The following PRIM2 variants were observed in gnomAD, a reference collection of about 807,000 sequenced individuals.
PRIM2 encodes DNA primase large subunit.
Under a neutral mutation model 67.3 loss-of-function variants are expected in PRIM2, and 39 were observed. The ratio of observed to expected loss-of-function variants is 0.58; its 90% confidence interval spans 0.45 to 0.76. The LOEUF is 0.76. Among genes scored for constraint, PRIM2 ranks in the 30% least tolerant of loss-of-function variants. The pLI, the probability that PRIM2 is intolerant of heterozygous loss-of-function variation, is 0.00. For missense variants in PRIM2, 398 were observed against 598.7 expected (o/e 0.66, Z 3.50); for synonymous variants, 143 against 198.7 (o/e 0.72, Z 2.36).
chr6:57,318,910 AAT>A (rs1175372959), intron 2 of PRIM2, among the ~76,000 whole-genome samples: 3 of 152,228 alleles, frequency 2.0e-5, no homozygotes, highest in African/African-American at 7.2e-5. Flanking sequence ...CATCCAAAAT[AAT>A]AGTCATAATT....
chr6:57,224,878 T>C, the PRIM2 span, among the ~76,000 whole-genome samples: 1 of 152,248 alleles, frequency 6.6e-6, no homozygotes, highest in Admixed American at 6.5e-5. Flanking sequence ...AGAAACACTC[T>C]GCTTTTCCTA....
intron 7 of PRIM2, among the ~76,000 whole-genome samples, chr6:57,443,852 T>C (rs2127386574): frequency 6.6e-6 from 1 of 152,244 alleles, no homozygotes; most frequent in South Asian, 2.1e-4. Flanking sequence ...ATCAATGTCA[T>C]GTAGTTTTTC....
chr6:57,330,473 G>A (rs1768022592), intron 5 of PRIM2, among the ~76,000 whole-genome samples: 1 of 147,694 alleles, frequency 6.8e-6, no homozygotes, highest in East Asian at 2.0e-4. Flanking sequence ...TCCTGCCTCA[G>A]CCTCCCGCCG....
chr6:57,487,512 C>T lies in PRIM2; in HGVS notation c.694-19875C>T, dbSNP rs1348056521. On this transcript the variant is annotated intron_variant, in intron 7 of 13. Transcript: ENST00000615550. The stretch of plus-strand genomic sequence containing the variant: ...CCAAAGTGCTGGGATTACAGGCATG[C>T]GCCACTGCCCCTGGCCTGATCAATG... Among the ~76,000 whole-genome samples the T allele has an allele frequency of 1.2e-4, 19 of 152,314 alleles. 1 individual carries two copies. In the East Asian group the frequency reaches 2.5e-3, roughly 20 times the overall value.
At chr6:57,618,719 A>G (rs1309824732) in intron 12 of PRIM2, among the ~76,000 whole-genome samples, 2 of 152,034 alleles carry the variant, frequency 1.3e-5, no homozygotes, top group Non-Finnish European at 2.9e-5. Flanking sequence ...CTAGGTGCAC[A>G]ACTCCAGTGA....
intron 10 of PRIM2, among the ~76,000 whole-genome samples, chr6:57,587,740 G>A (rs1377603319): frequency 1.4e-5 from 2 of 146,002 alleles, no homozygotes; most frequent in East Asian, 4.2e-4. Context: ...TGTTGGAAGA[G>A]ATAACAGATA....
chr6:57,412,084 T>C lies in PRIM2; in HGVS notation c.693+29916T>C, dbSNP rs145632790. The stretch of plus-strand genomic sequence containing the variant: ...TCTGTGGTTTTAACAAATATATAAG[T>C]ATGCTAATTTTAAAACACTAAGCCT... On this transcript the variant is annotated intron_variant, in intron 7 of 13. Coordinates refer to ENST00000615550, the MANE Select transcript of PRIM2 (RefSeq NM_000947.5). Among the ~76,000 whole-genome samples the C allele has an allele frequency of 4.6e-5, 7 of 151,042 alleles. No homozygotes were observed. In the East Asian group the frequency reaches 1.2e-3, roughly 25 times the overall value.
intron 8 of PRIM2, among the ~76,000 whole-genome samples, chr6:57,514,271 C>A (rs1774434790): frequency 6.6e-6 from 1 of 152,186 alleles, no homozygotes; most frequent in Non-Finnish European, 1.5e-5. Flanking sequence ...GCTTTTCTTA[C>A]TATCCAAAGT....
At chr6:57,336,500 C>T (rs1768253083) in intron 5 of PRIM2, among the ~76,000 whole-genome samples, 1 of 152,240 alleles carries the variant, frequency 6.6e-6, no homozygotes, top group Non-Finnish European at 1.5e-5. Flanking sequence ...ATCAGACTAA[C>T]AGTGGATCTC....
chr6:57,225,091 T>A, the PRIM2 span, among the ~76,000 whole-genome samples: 1 of 152,174 alleles, frequency 6.6e-6, no homozygotes, highest in African/African-American at 2.4e-5. Context: ...TCCCACCCCT[T>A]TTTCCTTTGT....
At chr6:57,364,342 T>C (rs1769286083) in intron 5 of PRIM2, among the ~76,000 whole-genome samples, 1 of 152,174 alleles carries the variant, frequency 6.6e-6, no homozygotes, top group Non-Finnish European at 1.5e-5. Flanking sequence ...AGGGTGAATG[T>C]GCTCTCCTCT....
At chr6:57,532,007 A>G (rs1230183481) in intron 8 of PRIM2, among the ~76,000 whole-genome samples, 2 of 152,124 alleles carry the variant, frequency 1.3e-5, no homozygotes, top group African/African-American at 4.8e-5. Context: ...CCTGGCATAC[A>G]GAGAGTAACT....
intron 8 of PRIM2, among the ~76,000 whole-genome samples, chr6:57,523,609 G>T (rs1238761640): frequency 1.3e-5 from 2 of 152,134 alleles, no homozygotes; most frequent in Non-Finnish European, 2.9e-5. Flanking sequence ...TGTCAGTAAT[G>T]CCCTGTGGCA....
chr6:57,494,833 A>G (rs1773970070), intron 7 of PRIM2, among the ~76,000 whole-genome samples: 1 of 152,238 alleles, frequency 6.6e-6, no homozygotes, highest in Non-Finnish European at 1.5e-5. Flanking sequence ...TGAATTAAAC[A>G]TTTGTGAAAT....
intron 7 of PRIM2, among the ~76,000 whole-genome samples, chr6:57,455,747 C>G (rs1286299478): frequency 1.3e-5 from 2 of 152,132 alleles, no homozygotes. Context: ...TCCAATTTGC[C>G]AGTCTGTGTC....
chr6:57,475,908 G>T (rs1773467105), intron 7 of PRIM2, among the ~76,000 whole-genome samples: 1 of 152,132 alleles, frequency 6.6e-6, no homozygotes, highest in African/African-American at 2.4e-5. Flanking sequence ...CTGTGTCTGT[G>T]CCCTAAGTGT....
At chr6:57,590,662 C>G (rs1328444008) in intron 10 of PRIM2, among the ~76,000 whole-genome samples, 2 of 152,144 alleles carry the variant, frequency 1.3e-5, no homozygotes, top group Non-Finnish European at 2.9e-5. Flanking sequence ...CTGGGGGGTT[C>G]TTTCTCAACT....
At chr6:57,303,626 C>CT in the PRIM2 span, among the ~76,000 whole-genome samples, 3 of 151,894 alleles carry the variant, frequency 2.0e-5, no homozygotes, top group Non-Finnish European at 4.4e-5. Flanking sequence ...TAATTAATTA[C>CT]TTTTTTTGAG....
chr6:57,577,585 C>T (rs1325477672), intron 10 of PRIM2, among the ~76,000 whole-genome samples: 32 of 152,036 alleles, frequency 2.1e-4, no homozygotes, highest in Non-Finnish European at 3.8e-4. Context: ...CCCACCACCA[C>T]GTCCAGCTAA....
Sources: allele counts gnomAD v4.1 joint callset (sites outside exome capture counted in the v4.1 genomes callset), GRCh38; gene constraint gnomAD v4.1.1; transcripts MANE v1.5; gene names NCBI Gene and HGNC (gene_info 2026-07-23, HGNC 2026-07-21).